CAPN8: variants seen among roughly 807,000 people sequenced by gnomAD.
CAPN8 encodes the protein calpain-8.
In CAPN8, 87 loss-of-function variants were observed where a neutral mutation model predicts 80.9. That is an observed-to-expected ratio of 1.07 (90% CI 0.90 to 1.28). CAPN8 has a LOEUF of 1.28. Among genes scored for constraint, CAPN8 ranks in the 50% most tolerant of loss-of-function variants. The pLI, the probability that CAPN8 is intolerant of heterozygous loss-of-function variation, is 0.00. For missense variants in CAPN8, 757 were observed against 702.0 expected (o/e 1.08, Z -0.89); for synonymous variants, 299 against 273.8 (o/e 1.09, Z -0.91).
chr1:223,627,138 C>G lies in CAPN8; in HGVS notation c.580G>C (p.Ala194Pro). The change falls in exon 5 of 21, where the codon GCT becomes CCT. Residue 194 changes from alanine (A) to proline (P), a missense_variant. Transcript: ENST00000366872. ...AYAKLNGCYE[A>P]LAGGSTVEGF... Reference sequence around the variant, plus strand: ...TCCACTGTGGAACCTCCAGCGAGAGCCTCATAACAACCATTAAGCCTATTG... The same window carrying G: ...TCCACTGTGGAACCTCCAGCGAGAGGCTCATAACAACCATTAAGCCTATTG... 1 of 1,552,374 alleles carries G rather than the reference C, an allele frequency of 6.4e-7. No individual in the cohort carries two copies. The highest frequency in any genetic ancestry group is 1.2e-5 in the South Asian group (1 of 84,062).
chr1:223,652,508 T>C (rs1658369512), intron 2 of CAPN8, among the ~76,000 whole-genome samples: 1 of 152,134 alleles, frequency 6.6e-6, no homozygotes. Flanking sequence ...TCTTTGGGAC[T>C]ACACACGGTA....
intron 15 of CAPN8, among the ~76,000 whole-genome samples, chr1:223,550,017 G>A (rs1572222589): frequency 6.6e-6 from 1 of 152,174 alleles, no homozygotes; most frequent in Admixed American, 6.5e-5. Context: ...GCCTGAGCTT[G>A]TAATCACAAC....
At chr1:223,654,939 T>C (rs1220201541) in intron 1 of CAPN8, among the ~76,000 whole-genome samples, 1 of 151,180 alleles carries the variant, frequency 6.6e-6, no homozygotes, top group Non-Finnish European at 1.5e-5. Context: ...TCCATCTGCC[T>C]TGGCCTCCCA....
chr1:223,627,369 T>A (rs1657621062), intron 4 of CAPN8, among the ~76,000 whole-genome samples: 1 of 152,174 alleles, frequency 6.6e-6, no homozygotes, highest in African/African-American at 2.4e-5. Flanking sequence ...CCAACCTCTC[T>A]CCAGCCACCC....
chr1:223,637,951 T>A (rs1657947183), intron 2 of CAPN8, among the ~76,000 whole-genome samples: 1 of 152,228 alleles, frequency 6.6e-6, no homozygotes, highest in South Asian at 2.1e-4. Flanking sequence ...CAAGATCATC[T>A]GATACTGAGC....
At position 223,542,108 on chromosome 1, in the gene CAPN8, A is replaced by G. The variant is rs79348840; in HGVS notation, c.2089-249T>C. Among the ~76,000 whole-genome samples the G allele has an allele frequency of 4.3e-3, 647 of 152,198 alleles. 4 individuals carry two copies. The highest frequency in any genetic ancestry group is 7.0e-3 in the Non-Finnish European group (479 of 68,006). On this transcript the variant is annotated intron_variant, in intron 20 of 20. Transcript: ENST00000366872. ...GCTCCAAAAATAGGTATGTGCATGTATATTCATACACACACACACACATAC... is the reference window on the plus strand; with the variant it reads ...GCTCCAAAAATAGGTATGTGCATGTGTATTCATACACACACACACACATAC...
chr1:223,658,419 A>C (rs1658554641), intron 1 of CAPN8, among the ~76,000 whole-genome samples: 1 of 152,186 alleles, frequency 6.6e-6, no homozygotes, highest in Non-Finnish European at 1.5e-5. Context: ...ATAATTCAAA[A>C]AATGCCCCCA....
intron 6 of CAPN8, among the ~76,000 whole-genome samples, chr1:223,623,838 A>G (rs1252206411): frequency 6.6e-6 from 1 of 152,098 alleles, no homozygotes; most frequent in Admixed American, 6.5e-5. Context: ...TACTAAAAAT[A>G]CAAAAAAAAT....
intron 9 of CAPN8, chr1:223,617,938 G>A: frequency 3.2e-6 from 1 of 310,692 alleles, no homozygotes; most frequent in Non-Finnish European, 6.0e-6. Flanking sequence ...ACAGCTGCCT[G>A]AACCGGGAGC....
chr1:223,649,535 C>T (rs1468309718), intron 2 of CAPN8, among the ~76,000 whole-genome samples: 1 of 152,180 alleles, frequency 6.6e-6, no homozygotes, highest in Admixed American at 6.5e-5. Context: ...ACCCACCCAG[C>T]AGTGTCGGCA....
chr1:223,628,797 G>A lies in CAPN8; in HGVS notation c.308-17C>T. On this transcript the variant is annotated splice_polypyrimidine_tract_variant and intron_variant, in intron 2 of 20. Coordinates refer to ENST00000366872, the MANE Select transcript of CAPN8 (RefSeq NM_001143962.2). Reference sequence around the variant, plus strand: ...AGCAGTCACCTGCACAGTGTCACAGGGGACACAGATTGGTCAGGCCCAGCC... The same window carrying A: ...AGCAGTCACCTGCACAGTGTCACAGAGGACACAGATTGGTCAGGCCCAGCC... 4 of 1,547,988 alleles carry A rather than the reference G, an allele frequency of 2.6e-6. No individual in the cohort carries two copies. The highest frequency in any genetic ancestry group is 1.4e-5 in the African/African-American group (1 of 73,064).
rs545010404 is a variant in CAPN8 at position 223,628,162 on chromosome 1, C to T, written c.427-20G>A. The T allele has an allele frequency of 5.0e-5, 76 of 1,529,316 alleles. 3 individuals carry two copies. The highest frequency in any genetic ancestry group is 2.7e-4 in the East Asian group (11 of 40,526). The allele number at this position is 1,529,316 out of a possible 1,614,324, so 94.7% of individuals were successfully genotyped here. The stretch of plus-strand genomic sequence containing the variant: ...CCAGAACTGGGGAGGGGGGACACAG[C>T]GGCTGCTCACATGAATAAGCAGATG... On this transcript the variant is annotated intron_variant, in intron 3 of 20. Transcript: ENST00000366872.
At chr1:223,623,254 C>T (rs529114699) in intron 6 of CAPN8, among the ~76,000 whole-genome samples, 5 of 152,282 alleles carry the variant, frequency 3.3e-5, no homozygotes, top group East Asian at 1.9e-4. Context: ...CACCAAAGCA[C>T]GGCAGTTAAC....
intron 2 of CAPN8, chr1:223,644,188 G>T: frequency 2.7e-6 from 1 of 371,446 alleles, no homozygotes. Flanking sequence ...CTCTGTTTTA[G>T]AATAAATCTC....
At chr1:223,638,153 T>A (rs1047900131) in intron 2 of CAPN8, among the ~76,000 whole-genome samples, 1 of 152,222 alleles carries the variant, frequency 6.6e-6, no homozygotes, top group East Asian at 1.9e-4. Context: ...CCCTGAATGA[T>A]ACCATATAAC....
At chr1:223,546,537 T>C (rs1656626494) in intron 16 of CAPN8, among the ~76,000 whole-genome samples, 1 of 152,174 alleles carries the variant, frequency 6.6e-6, no homozygotes, top group Non-Finnish European at 1.5e-5. Flanking sequence ...AGCCTTCAAA[T>C]CCTTACTAAT....
At chr1:223,642,097 A>G in intron 2 of CAPN8, among the ~76,000 whole-genome samples, 1 of 152,194 alleles carries the variant, frequency 6.6e-6, no homozygotes, top group East Asian at 1.9e-4. Flanking sequence ...TAGAAGCAAG[A>G]TTATAGAGAA....
chr1:223,664,026 A>G (rs1428384303), intron 1 of CAPN8, among the ~76,000 whole-genome samples: 4 of 152,224 alleles, frequency 2.6e-5, no homozygotes. Flanking sequence ...GCTCTGTTGA[A>G]CAGAGCACTT....
chr1:223,623,869 G>A (rs963215584), intron 6 of CAPN8, among the ~76,000 whole-genome samples: 36 of 151,852 alleles, frequency 2.4e-4, no homozygotes, highest in African/African-American at 4.8e-4. Flanking sequence ...GCGTGGTGGC[G>A]CGTGCCTGTA....
Sources: gnomAD v4.1 joint callset for allele counts (sites outside exome capture counted in the v4.1 genomes callset) on GRCh38, gnomAD v4.1.1 for gene constraint, MANE v1.5 for transcripts, NCBI Gene and HGNC (gene_info 2026-07-23, HGNC 2026-07-21) for gene names.